Variants in STK32B observed in about 807,000 individuals in gnomAD.
The protein encoded by STK32B is serine/threonine kinase 32B, also known as serine/threonine-protein kinase 32B.
Under a neutral mutation model 52.6 loss-of-function variants are expected in STK32B, and 43 were observed. That is an observed-to-expected ratio of 0.82 (90% CI 0.64 to 1.05). The LOEUF is 1.05. Ranked by LOEUF, STK32B falls within the 50% of genes least tolerant of loss-of-function variation. STK32B has a pLI of 0.00. For missense variants in STK32B, 621 were observed against 534.6 expected (o/e 1.16, Z -1.59); for synonymous variants, 238 against 204.3 (o/e 1.17, Z -1.41).
In STK32B at chr4:5,453,589, G is replaced by C. The variant is rs1356954730; in HGVS notation, c.667-3218G>C. Among the ~76,000 whole-genome samples the C allele has an allele frequency of 6.6e-6, 1 of 152,052 alleles. No individual in the cohort carries two copies. The highest frequency in any genetic ancestry group is 1.5e-5 in the Non-Finnish European group (1 of 68,006). ...GAACTGTTTATTGAAAAGCAAAAAA[G>C]ACAGGAAGGAGCAATTATAAATAGT... On this transcript the variant is annotated intron_variant, in intron 7 of 11. Coordinates refer to ENST00000282908, the MANE Select transcript of STK32B (RefSeq NM_018401.3). This position sits in a 1 kb window ranked among gnomAD's most constrained non-coding sequence, Gnocchi z 4.0.
At chr4:5,370,159 G>A (rs1427862036) in intron 4 of STK32B, among the ~76,000 whole-genome samples, 1 of 151,672 alleles carries the variant, frequency 6.6e-6, no homozygotes. Context: ...ACAGGCGTGA[G>A]CCACCACGCC....
chr4:5,133,917 C>G (rs142857673), intron 1 of STK32B, among the ~76,000 whole-genome samples: 1 of 152,310 alleles, frequency 6.6e-6, no homozygotes, highest in East Asian at 1.9e-4. Context: ...AGTTAACTTA[C>G]GTCCTCAGGT....
chr4:5,416,407 C>G (rs1712163225), intron 5 of STK32B, among the ~76,000 whole-genome samples: 1 of 152,114 alleles, frequency 6.6e-6, no homozygotes, highest in African/African-American at 2.4e-5. Context: ...AATTACAGTA[C>G]TAAGGTCTCC....
intron 3 of STK32B, among the ~76,000 whole-genome samples, chr4:5,256,715 G>T (rs1726325960): frequency 6.6e-6 from 1 of 152,226 alleles, no homozygotes; most frequent in Admixed American, 6.5e-5. Flanking sequence ...GTATCTCTCT[G>T]TGTGTTCCTG....
At chr4:5,146,767 A>G (rs1002287551) in intron 2 of STK32B, among the ~76,000 whole-genome samples, 3 of 152,228 alleles carry the variant, frequency 2.0e-5, no homozygotes, top group African/African-American at 7.2e-5. Flanking sequence ...TCGGTTTTGT[A>G]CATTTGACCT....
chr4:5,119,723 G>T (rs6825132), intron 1 of STK32B, among the ~76,000 whole-genome samples: 63,789 of 152,050 alleles, frequency 0.42, 15,325 homozygotes, highest in Non-Finnish European at 0.56. Context: ...AAGGAATGCA[G>T]CCAGCTTATA....
chr4:5,122,463 T>C (rs117587340), intron 1 of STK32B, among the ~76,000 whole-genome samples: 4 of 152,084 alleles, frequency 2.6e-5, no homozygotes, highest in Non-Finnish European at 5.9e-5. Flanking sequence ...ATCCATTCAG[T>C]TGTTAACTCC....
intron 4 of STK32B, among the ~76,000 whole-genome samples, chr4:5,359,216 A>G (rs1734383220): frequency 6.6e-6 from 1 of 152,176 alleles, no homozygotes; most frequent in Non-Finnish European, 1.5e-5. Flanking sequence ...CCATATTTAT[A>G]GGTTGGTGAT....
At chr4:5,267,631 G>A (rs1469440075) in intron 3 of STK32B, among the ~76,000 whole-genome samples, 7 of 152,138 alleles carry the variant, frequency 4.6e-5, no homozygotes, top group Middle Eastern at 3.2e-3. Context: ...CAGCTGGGAC[G>A]AAAATCAAGT....
chr4:5,252,944 C>T (rs1726041031), intron 3 of STK32B, among the ~76,000 whole-genome samples: 1 of 152,098 alleles, frequency 6.6e-6, no homozygotes, highest in Admixed American at 6.6e-5. Context: ...TCACTGTGCA[C>T]CATGTCTCCA....
At chr4:5,170,875 G>A (rs1719313995) in intron 3 of STK32B, among the ~76,000 whole-genome samples, 1 of 152,206 alleles carries the variant, frequency 6.6e-6, no homozygotes, top group Non-Finnish European at 1.5e-5. Flanking sequence ...GATCCCTGAG[G>A]AATCGCCACA....
intron 2 of STK32B, among the ~76,000 whole-genome samples, chr4:5,149,832 A>T (rs1163249917): frequency 6.6e-6 from 1 of 151,932 alleles, no homozygotes; most frequent in Non-Finnish European, 1.5e-5. Flanking sequence ...ATTTTTAAGG[A>T]AAATCTAGGT....
intron 2 of STK32B, among the ~76,000 whole-genome samples, chr4:5,142,258 C>G (rs1387893857): frequency 1.3e-5 from 2 of 152,212 alleles, no homozygotes; most frequent in Non-Finnish European, 2.9e-5. Context: ...CAATGGTCAA[C>G]TCTATTCCTG....
Position 5,495,254 on chromosome 4 carries a change from T to C in STK32B, c.1107-3691T>C, listed in dbSNP as rs542190697. On this transcript the variant is annotated intron_variant, in intron 11 of 11. Transcript: ENST00000282908. ...TGGTCTTTTCACATAGTCCCATATT[T>C]CTTGGAGGCTTTGTTCGTTTCTTTT... 6.8e-4 allele frequency among the ~76,000 whole-genome samples: 104 copies of C among 152,318 alleles called. 2 individuals carry two copies. The highest frequency in any genetic ancestry group is 2.4e-3 in the African/African-American group (101 of 41,542).
chr4:5,393,344 A>G (rs11726374), intron 4 of STK32B, among the ~76,000 whole-genome samples: 7,467 of 152,312 alleles, frequency 0.049, 267 homozygotes, highest in Non-Finnish European at 0.074. Context: ...CACTGTAGCC[A>G]TTAGAGAGGG....
intron 3 of STK32B, among the ~76,000 whole-genome samples, chr4:5,317,306 T>C (rs1731108570): frequency 3.9e-5 from 2 of 51,826 alleles, no homozygotes; most frequent in African/African-American, 1.8e-4. Flanking sequence ...ATATATAATA[T>C]ATAACATATG....
intron 3 of STK32B, among the ~76,000 whole-genome samples, chr4:5,286,861 G>A (rs1346331198): frequency 8.2e-5 from 12 of 145,752 alleles, no homozygotes; most frequent in Non-Finnish European, 1.2e-4. Flanking sequence ...GCAGTGACGC[G>A]ATCTTGGCTC....
At chr4:5,241,128 T>G (rs1384774346) in intron 3 of STK32B, among the ~76,000 whole-genome samples, 1 of 152,200 alleles carries the variant, frequency 6.6e-6, no homozygotes, top group African/African-American at 2.4e-5. Context: ...TGGTGGATTT[T>G]TTAATATTAA....
chr4:5,389,197 A>G (rs1736442010), intron 4 of STK32B, among the ~76,000 whole-genome samples: 1 of 152,194 alleles, frequency 6.6e-6, no homozygotes, highest in African/African-American at 2.4e-5. Flanking sequence ...TCTAACTGGT[A>G]TATCCTGGCT....
Sources: allele counts gnomAD v4.1 joint callset (sites outside exome capture counted in the v4.1 genomes callset), GRCh38; gene constraint gnomAD v4.1.1; non-coding constraint Gnocchi (gnomAD v3.1); transcripts MANE v1.5; gene names NCBI Gene and HGNC (gene_info 2026-07-23, HGNC 2026-07-21).